The following PPP1R9A variants were observed in gnomAD, a reference collection of about 807,000 sequenced individuals.
The protein encoded by PPP1R9A is protein phosphatase 1 regulatory subunit 9A.
In PPP1R9A, 59 loss-of-function variants were observed where a neutral mutation model predicts 141.9. The observed-to-expected ratio is 0.42, with a 90% CI of 0.34 to 0.52. The LOEUF (loss-of-function observed/expected upper bound fraction) is 0.52, where lower values mean the gene tolerates loss of function less well. Among genes scored for constraint, PPP1R9A ranks in the 20% least tolerant of loss-of-function variants. The probability of loss-of-function intolerance (pLI) is 0.10; values close to 1 mark genes in which losing one functional copy is unlikely to be tolerated. For synonymous variants in PPP1R9A, 500 were observed against 569.7 expected, an observed-to-expected ratio of 0.88 and a Z score of 1.74; for missense variants, 1,444 against 1,611.9, an observed-to-expected ratio of 0.90 and a Z score of 1.78.
chr7:94,990,927 C>T (rs890241451), intron 2 of PPP1R9A, among the ~76,000 whole-genome samples: 7 of 152,016 alleles, frequency 4.6e-5, no homozygotes, highest in African/African-American at 1.7e-4. Context: ...TATAAATACA[C>T]CACATTTTCT....
intron 16 of PPP1R9A, among the ~76,000 whole-genome samples, chr7:95,281,425 A>T (rs766970237): frequency 6.6e-5 from 10 of 152,128 alleles, no homozygotes; most frequent in Non-Finnish European, 1.3e-4. Context: ...TCTGGGTATC[A>T]CCAGAGGCCC....
At chr7:95,043,321 C>T (rs2151926003) in intron 2 of PPP1R9A, among the ~76,000 whole-genome samples, 1 of 152,288 alleles carries the variant, frequency 6.6e-6, no homozygotes, top group East Asian at 1.9e-4. Context: ...AAAACAGGCA[C>T]ATTTCACTAA....
chr7:95,208,853 G>T (rs752264364), intron 7 of PPP1R9A, among the ~76,000 whole-genome samples: 4 of 150,466 alleles, frequency 2.7e-5, no homozygotes, highest in Non-Finnish European at 5.9e-5. Context: ...ACCATACGCT[G>T]GAGTAAAATG....
intron 2 of PPP1R9A, among the ~76,000 whole-genome samples, chr7:94,930,839 G>T (rs1405841): frequency 0.57 from 86,448 of 151,990 alleles, 24,914 homozygotes; most frequent in South Asian, 0.73. Flanking sequence ...CATTTAAAAT[G>T]AGCCATTTAA....
intron 2 of PPP1R9A, among the ~76,000 whole-genome samples, chr7:94,974,008 T>G (rs1799159456): frequency 6.6e-6 from 1 of 152,192 alleles, no homozygotes; most frequent in Admixed American, 6.6e-5. Context: ...TGAGCCACTA[T>G]GCCTGACCTC....
intron 12 of PPP1R9A, among the ~76,000 whole-genome samples, chr7:95,253,832 A>G (rs1799215729): frequency 2.0e-5 from 3 of 151,966 alleles, no homozygotes; most frequent in Admixed American, 1.3e-4. Context: ...TGAATATTTT[A>G]ATTTTTAAAA....
At chr7:95,111,937 C>G (rs1307511856) in intron 3 of PPP1R9A, among the ~76,000 whole-genome samples, 1 of 151,920 alleles carries the variant, frequency 6.6e-6, no homozygotes, top group East Asian at 1.9e-4. Flanking sequence ...GTAGTAACTG[C>G]TGACCCGTGG....
chr7:95,118,893 G>A (rs1229147912), intron 3 of PPP1R9A, among the ~76,000 whole-genome samples: 1 of 150,734 alleles, frequency 6.6e-6, no homozygotes, highest in Non-Finnish European at 1.5e-5. Flanking sequence ...GAGGTGGGAG[G>A]ATCACCAGAA....
At chr7:94,955,448 A>G (rs1436847006) in intron 2 of PPP1R9A, among the ~76,000 whole-genome samples, 3 of 151,942 alleles carry the variant, frequency 2.0e-5, no homozygotes, top group African/African-American at 7.2e-5. Flanking sequence ...TTTTCCTATT[A>G]CAAAATTAGT....
chr7:95,084,689 C>G (rs1311237566), intron 2 of PPP1R9A, among the ~76,000 whole-genome samples: 1 of 151,828 alleles, frequency 6.6e-6, no homozygotes, highest in Non-Finnish European at 1.5e-5. Context: ...GATAAATATA[C>G]TTTGTTGAAT....
chr7:94,925,976 C>T (rs1375866755), intron 2 of PPP1R9A, among the ~76,000 whole-genome samples: 1 of 152,036 alleles, frequency 6.6e-6, no homozygotes, highest in Admixed American at 6.6e-5. Flanking sequence ...CAGGCGTGCG[C>T]TGCCATGCCC....
At position 95,290,250 on chromosome 7, in the gene PPP1R9A, A is replaced by G; in HGVS notation, c.4072A>G (p.Lys1358Glu). 6.2e-7 allele frequency: 1 copy of G among 1,613,046 alleles called. No homozygotes were observed. The highest frequency in any genetic ancestry group is 8.5e-7 in the Non-Finnish European group (1 of 1,179,490). ...KEQEQMQRKS[K>E]KTEKMTSTTA... The stretch of plus-strand genomic sequence containing the variant: ...GCAAGAGCAAATGCAGAGGAAGTCC[A>G]AAAAGACAGAAAAGATGACGTCAAC... Residue 1358 changes from lysine to glutamate, a missense_variant, in exon 20 of 20, where the codon AAA becomes GAA. Coordinates refer to ENST00000433360, the MANE Select transcript of PPP1R9A (RefSeq NM_001166160.2).
intron 2 of PPP1R9A, among the ~76,000 whole-genome samples, chr7:95,081,201 G>C (rs566533980): frequency 7.3e-4 from 111 of 152,264 alleles, no homozygotes; most frequent in African/African-American, 2.5e-3. Context: ...ATAGCCAGCA[G>C]TAACAGGGTA....
intron 5 of PPP1R9A, among the ~76,000 whole-genome samples, chr7:95,191,168 C>T (rs545027804): frequency 9.9e-5 from 15 of 152,180 alleles, no homozygotes; most frequent in South Asian, 2.1e-4. Context: ...ATGAATCCCA[C>T]GTAATCTAGA....
At chr7:95,014,500 G>T (rs1001778834) in intron 2 of PPP1R9A, among the ~76,000 whole-genome samples, 24 of 151,858 alleles carry the variant, frequency 1.6e-4, no homozygotes, top group Admixed American at 6.6e-4. Context: ...ATAAAGATTT[G>T]TCCAATTATT....
chr7:95,285,228 A>G (rs1467362795), intron 17 of PPP1R9A, among the ~76,000 whole-genome samples: 1 of 152,222 alleles, frequency 6.6e-6, no homozygotes, highest in Non-Finnish European at 1.5e-5. Flanking sequence ...TGGAAATCTA[A>G]CAGTCCAATT....
At chr7:95,000,161 T>C (rs1421903193) in intron 2 of PPP1R9A, among the ~76,000 whole-genome samples, 1 of 152,172 alleles carries the variant, frequency 6.6e-6, no homozygotes, top group Non-Finnish European at 1.5e-5. Context: ...CTTTTGTAAG[T>C]AGTGCGGCAA....
At chr7:95,120,290 T>C (rs1822330806) in intron 3 of PPP1R9A, among the ~76,000 whole-genome samples, 1 of 147,864 alleles carries the variant, frequency 6.8e-6, no homozygotes, top group South Asian at 2.1e-4. Flanking sequence ...AATAAACAAG[T>C]AAAGAAGAAA....
chr7:95,041,629 G>C (rs1018801484), intron 2 of PPP1R9A, among the ~76,000 whole-genome samples: 1 of 151,992 alleles, frequency 6.6e-6, no homozygotes, highest in Admixed American at 6.6e-5. Flanking sequence ...GCTGTGCTTC[G>C]TTCAGTTTTC....
Sources: allele counts gnomAD v4.1 joint callset (sites outside exome capture counted in the v4.1 genomes callset), GRCh38; gene constraint gnomAD v4.1.1; transcripts MANE v1.5; gene names NCBI Gene and HGNC (gene_info 2026-07-23, HGNC 2026-07-21).